APBA2: variants seen among roughly 807,000 people sequenced by gnomAD.
APBA2 encodes the protein amyloid beta precursor protein binding family A member 2.
In APBA2, 30 loss-of-function variants were observed where a neutral mutation model predicts 75.0. The ratio of observed to expected loss-of-function variants is 0.40; its 90% confidence interval spans 0.30 to 0.54. APBA2 has a LOEUF of 0.54. Among genes scored for constraint, APBA2 ranks in the 20% least tolerant of loss-of-function variants. APBA2 has a pLI of 0.49. For missense variants in APBA2, 801 were observed against 1,016.1 expected (o/e 0.79, Z 2.88); for synonymous variants, 444 against 409.6 (o/e 1.08, Z -1.01).
At chr15:28,937,979 T>C (rs200446667) in intron 2 of APBA2, among the ~76,000 whole-genome samples, 1 of 152,168 alleles carries the variant, frequency 6.6e-6, no homozygotes, top group Non-Finnish European at 1.5e-5. Flanking sequence ...ATTTCGTTCA[T>C]TAGAAGTAAG....
At chr15:29,096,289 G>A (rs530571618) in intron 8 of APBA2, among the ~76,000 whole-genome samples, 41 of 152,278 alleles carry the variant, frequency 2.7e-4, no homozygotes, top group African/African-American at 9.4e-4. Context: ...GATGATGGGT[G>A]TCCTCTCCCT....
intron 3 of APBA2, among the ~76,000 whole-genome samples, chr15:29,050,832 A>G (rs553651948): frequency 2.0e-4 from 31 of 152,330 alleles, no homozygotes; most frequent in African/African-American, 7.0e-4. Flanking sequence ...TTCTCTTAAC[A>G]AGGATGTGCA....
At chr15:28,984,873 CT>C in intron 2 of APBA2, among the ~76,000 whole-genome samples, 1 of 150,358 alleles carries the variant, frequency 6.7e-6, no homozygotes, top group African/African-American at 2.5e-5. Flanking sequence ...CTCTCTCTCT[CT>C]CTCCCCCCAC....
chr15:28,914,806 G>C (rs1260441407), intron 1 of APBA2, among the ~76,000 whole-genome samples: 1 of 151,952 alleles, frequency 6.6e-6, no homozygotes, highest in Admixed American at 6.6e-5. Context: ...GTTCTGAGCT[G>C]ATGGGGGCCT....
chr15:28,916,076 C>T (rs1189195065), intron 1 of APBA2, among the ~76,000 whole-genome samples: 5 of 152,364 alleles, frequency 3.3e-5, no homozygotes, highest in South Asian at 2.1e-4. Flanking sequence ...CCCCCGCCTG[C>T]GCACCCCCGG....
chr15:28,924,901 C>A (rs2034176829), intron 2 of APBA2, among the ~76,000 whole-genome samples: 2 of 152,130 alleles, frequency 1.3e-5, no homozygotes, highest in African/African-American at 4.8e-5. Context: ...TCTCATTTTC[C>A]CCCATCCTAG....
intron 3 of APBA2, among the ~76,000 whole-genome samples, chr15:29,012,953 A>G (rs529504856): frequency 6.6e-6 from 1 of 152,216 alleles, no homozygotes; most frequent in East Asian, 1.9e-4. Context: ...TGCTGAGCTT[A>G]TTTCTGGGTA....
At chr15:29,009,638 C>A (rs1213740206) in intron 3 of APBA2, among the ~76,000 whole-genome samples, 1 of 146,990 alleles carries the variant, frequency 6.8e-6, no homozygotes, top group Non-Finnish European at 1.5e-5. Flanking sequence ...GTTATTTTTG[C>A]AAATGTTTGA....
At chr15:29,113,382 T>C (rs1464269607) in intron 13 of APBA2, among the ~76,000 whole-genome samples, 4 of 152,284 alleles carry the variant, frequency 2.6e-5, no homozygotes, top group East Asian at 3.9e-4. Context: ...AAGTGACTCT[T>C]CCCTGTCGAT....
intron 1 of APBA2, among the ~76,000 whole-genome samples, chr15:28,919,887 C>T (rs79484114): frequency 0.031 from 4,712 of 152,220 alleles, 202 homozygotes; most frequent in African/African-American, 0.1. Context: ...GTGGGTGCTC[C>T]GTGTGGCGAC....
At chr15:29,114,086 T>TC in intron 14 of APBA2, 70 bp downstream of exon 14, 1 of 1,604,374 alleles carries the variant, frequency 6.2e-7, no homozygotes, top group South Asian at 1.1e-5. Context: ...TCCATGAGCC[T>TC]CCCCCGCTCC....
Position 29,016,398 on chromosome 15 carries a change from C to T in APBA2, c.-41+20592C>T, listed in dbSNP as rs183352196. Reference sequence around the variant, plus strand: ...TGTCACAAGGAAGCACAAATTCACGCTTATTATTTTTATGGGAAGACCCCT... The same window carrying T: ...TGTCACAAGGAAGCACAAATTCACGTTTATTATTTTTATGGGAAGACCCCT... On this transcript the variant is annotated intron_variant, in intron 3 of 14. Coordinates refer to ENST00000683413, the MANE Select transcript of APBA2 (RefSeq NM_001353788.2). Among the ~76,000 whole-genome samples, 291 of 152,278 alleles carry T rather than the reference C, an allele frequency of 1.9e-3. 1 individual carries two copies. The highest frequency in any genetic ancestry group is 6.8e-3 in the African/African-American group (283 of 41,554).
intron 2 of APBA2, among the ~76,000 whole-genome samples, chr15:28,923,008 G>A (rs556002888): frequency 3.9e-5 from 6 of 152,326 alleles, no homozygotes; most frequent in African/African-American, 1.4e-4. Context: ...TGTGCAGGAC[G>A]CTGGGGAAAC....
intron 3 of APBA2, among the ~76,000 whole-genome samples, chr15:29,019,878 A>G (rs1184060225): frequency 6.6e-6 from 1 of 152,264 alleles, no homozygotes; most frequent in Non-Finnish European, 1.5e-5. Context: ...TGCATTCTGC[A>G]GTTTACCAGA....
chr15:29,059,739 A>G (rs2042051390), intron 4 of APBA2, among the ~76,000 whole-genome samples: 1 of 152,220 alleles, frequency 6.6e-6, no homozygotes. Flanking sequence ...CAATGTATTC[A>G]GTATTCATCA....
At chr15:28,952,521 G>T (rs756224808) in intron 2 of APBA2, among the ~76,000 whole-genome samples, 22 of 152,126 alleles carry the variant, frequency 1.4e-4, no homozygotes, top group Non-Finnish European at 2.5e-4. Context: ...AACAGACCAA[G>T]ACTCTGTTTA....
At chr15:29,058,538 T>C (rs2042000756) in intron 4 of APBA2, among the ~76,000 whole-genome samples, 1 of 150,500 alleles carries the variant, frequency 6.6e-6, no homozygotes, top group Non-Finnish European at 1.5e-5. Context: ...GAAAAATGAG[T>C]TGTGCCTGTA....
chr15:29,087,799 C>T (rs1188083735), intron 6 of APBA2, among the ~76,000 whole-genome samples: 1 of 152,180 alleles, frequency 6.6e-6, no homozygotes, highest in African/African-American at 2.4e-5. Flanking sequence ...TCTGGTGGCT[C>T]GCCTCCTCCC....
At chr15:28,955,067 G>A (rs1376359440) in intron 2 of APBA2, among the ~76,000 whole-genome samples, 1 of 152,130 alleles carries the variant, frequency 6.6e-6, no homozygotes, top group Admixed American at 6.5e-5. Flanking sequence ...GACGCTGTGC[G>A]CATCTGTATT....
Sources: allele counts gnomAD v4.1 joint callset (sites outside exome capture counted in the v4.1 genomes callset), GRCh38; gene constraint gnomAD v4.1.1; transcripts MANE v1.5; gene names NCBI Gene and HGNC (gene_info 2026-07-23, HGNC 2026-07-21).